The following CADPS variants were observed in gnomAD, a reference collection of about 807,000 sequenced individuals.
The protein encoded by CADPS is calcium-dependent secretion activator 1.
CADPS carries 57 observed loss-of-function variants against 167.3 expected under a neutral mutation model. That is an observed-to-expected ratio of 0.34 (90% CI 0.28 to 0.42). The LOEUF (loss-of-function observed/expected upper bound fraction) is 0.42. CADPS is among the 20% of genes least tolerant of loss of function. CADPS has a pLI of 1.00. For missense variants in CADPS, 1,414 were observed against 1,738.1 expected, an observed-to-expected ratio of 0.81 and a Z score of 3.32; for synonymous variants, 676 against 635.3, an observed-to-expected ratio of 1.06 and a Z score of -0.96.
At chr3:62,509,408 G>A (rs2067320649) in intron 17 of CADPS, among the ~76,000 whole-genome samples, 1 of 152,036 alleles carries the variant, frequency 6.6e-6, no homozygotes, top group Non-Finnish European at 1.5e-5. Flanking sequence ...ATCCTGTGGG[G>A]ATGAGATTCA....
intron 6 of CADPS, among the ~76,000 whole-genome samples, chr3:62,635,815 C>T (rs1339925774): frequency 6.6e-6 from 1 of 152,164 alleles, no homozygotes; most frequent in African/African-American, 2.4e-5. Flanking sequence ...TCAGCTTTTC[C>T]ATAACCCTTT....
intron 3 of CADPS, among the ~76,000 whole-genome samples, chr3:62,728,402 C>T (rs475978): frequency 0.23 from 34,458 of 151,634 alleles, 4,428 homozygotes; most frequent in African/African-American, 0.31. Flanking sequence ...CTAACACTCA[C>T]CTCACTTTTT....
intron 16 of CADPS, chr3:62,513,709 A>G: frequency 1.3e-6 from 2 of 1,574,492 alleles, no homozygotes; most frequent in Non-Finnish European, 1.7e-6. Flanking sequence ...CTTTTTCCCT[A>G]TAAAAGAGGA....
chr3:62,772,400 C>T (rs1382018871), intron 1 of CADPS, among the ~76,000 whole-genome samples: 2 of 152,162 alleles, frequency 1.3e-5, no homozygotes, highest in African/African-American at 4.8e-5. Context: ...TATTCGAAAT[C>T]CTCATGAAAA....
At chr3:62,727,710 T>C (rs915589225) in intron 3 of CADPS, among the ~76,000 whole-genome samples, 1 of 143,306 alleles carries the variant, frequency 7.0e-6, no homozygotes, top group Non-Finnish European at 1.5e-5. Context: ...ACCATTGTCT[T>C]GAGGGACAGA....
intron 1 of CADPS, among the ~76,000 whole-genome samples, chr3:62,806,437 C>A (rs1253301324): frequency 6.6e-6 from 1 of 151,216 alleles, no homozygotes; most frequent in Non-Finnish European, 1.5e-5. Context: ...AAGGCTGAGG[C>A]AGGAAGATTG....
At chr3:62,441,162 C>T (rs1268509799) in intron 27 of CADPS, 12 of 152,234 alleles carry the variant, frequency 7.9e-5, no homozygotes, top group Non-Finnish European at 1.5e-5. Flanking sequence ...GTGCTACCCG[C>T]ACACACTGGG....
rs1270361789 is a variant in CADPS at position 62,602,716 on chromosome 3, T to C, written c.1326-9968A>G. ...AATTGGGCTGTCTGGGAGGCAGAGATGAAGGCTTTGGTTTGCCTCCTTGAC... is the reference window on the plus strand; with the variant it reads ...AATTGGGCTGTCTGGGAGGCAGAGACGAAGGCTTTGGTTTGCCTCCTTGAC... On this transcript the variant is annotated intron_variant, in intron 6 of 29. Coordinates refer to ENST00000383710, the MANE Select transcript of CADPS (RefSeq NM_003716.4). This position sits in a 1 kb window ranked among gnomAD's most constrained non-coding sequence, Gnocchi z 4.4. 6.6e-6 allele frequency among the ~76,000 whole-genome samples: 1 copy of C among 152,166 alleles called. No homozygotes were observed. Among genetic ancestry groups the C allele is most frequent in the Non-Finnish European group, 1.5e-5 (1 of 68,030 alleles).
At chr3:62,716,000 C>G (rs1173018658) in intron 3 of CADPS, among the ~76,000 whole-genome samples, 1 of 151,980 alleles carries the variant, frequency 6.6e-6, no homozygotes, top group Non-Finnish European at 1.5e-5. Context: ...CCGCCTCAGC[C>G]TCCCAAAGTG....
intron 2 of CADPS, among the ~76,000 whole-genome samples, chr3:62,760,888 CCT>C (rs1473375673): frequency 6.6e-6 from 1 of 152,166 alleles, no homozygotes; most frequent in Non-Finnish European, 1.5e-5. Flanking sequence ...GATAATAGTA[CCT>C]CAGTCTTTCT....
At chr3:62,546,133 T>C (rs536024675) in intron 11 of CADPS, among the ~76,000 whole-genome samples, 1 of 152,280 alleles carries the variant, frequency 6.6e-6, no homozygotes, top group East Asian at 1.9e-4. Context: ...CTTGATTTTT[T>C]TTTTTTTTTA....
At chr3:62,814,728 C>T (rs961276918) in intron 1 of CADPS, among the ~76,000 whole-genome samples, 3 of 152,152 alleles carry the variant, frequency 2.0e-5, no homozygotes, top group East Asian at 1.9e-4. Context: ...TTTGTTGCTG[C>T]AAGACCATGT....
At chr3:62,837,571 T>C (rs981770442) in intron 1 of CADPS, among the ~76,000 whole-genome samples, 2 of 152,184 alleles carry the variant, frequency 1.3e-5, no homozygotes, top group African/African-American at 4.8e-5. Context: ...CTCCCCTCTT[T>C]CTACAGCTGT....
intron 9 of CADPS, among the ~76,000 whole-genome samples, chr3:62,569,752 G>C (rs1199106473): frequency 6.6e-6 from 1 of 152,188 alleles, no homozygotes; most frequent in East Asian, 1.9e-4. Context: ...TCAGTTCCAA[G>C]TTGACTCACT....
intron 28 of CADPS, among the ~76,000 whole-genome samples, chr3:62,434,937 G>A (rs919725463): frequency 6.6e-6 from 1 of 151,954 alleles, no homozygotes; most frequent in South Asian, 2.1e-4. Context: ...AACACAACAG[G>A]AACTCTTAGA....
intron 21 of CADPS, among the ~76,000 whole-genome samples, chr3:62,490,303 A>G (rs1174105893): frequency 6.6e-6 from 1 of 151,478 alleles, no homozygotes; most frequent in Non-Finnish European, 1.5e-5. Flanking sequence ...TGATTTCCTT[A>G]AAAAAAGAAA....
intron 3 of CADPS, among the ~76,000 whole-genome samples, chr3:62,705,010 C>A (rs1165510972): frequency 1.3e-5 from 2 of 152,106 alleles, no homozygotes; most frequent in East Asian, 3.9e-4. Context: ...GCCCACCATA[C>A]CTGCACCTTG....
At chr3:62,680,453 T>A (rs917342576) in intron 3 of CADPS, among the ~76,000 whole-genome samples, 7 of 151,998 alleles carry the variant, frequency 4.6e-5, no homozygotes, top group African/African-American at 7.3e-5. Flanking sequence ...AACCTCAGCA[T>A]CTCCTTGACT....
intron 23 of CADPS, among the ~76,000 whole-genome samples, chr3:62,475,170 T>C (rs962896081): frequency 3.5e-4 from 53 of 152,344 alleles, no homozygotes; most frequent in African/African-American, 9.9e-4. Flanking sequence ...CTCAGCAATG[T>C]GCTAACAACT....
Sources: allele counts gnomAD v4.1 joint callset (sites outside exome capture counted in the v4.1 genomes callset), GRCh38; gene constraint gnomAD v4.1.1; non-coding constraint Gnocchi (gnomAD v3.1); transcripts MANE v1.5; gene names NCBI Gene and HGNC (gene_info 2026-07-23, HGNC 2026-07-21).